DCUN1D5: variants seen among roughly 807,000 people sequenced by gnomAD.
DCUN1D5 encodes DCN1-like protein 5.
A neutral mutation model predicts 38.3 loss-of-function variants in DCUN1D5; 10 were observed. The observed-to-expected ratio is 0.26, with a 90% CI of 0.16 to 0.44. DCUN1D5 has a LOEUF of 0.44. DCUN1D5 is among the 20% of genes least tolerant of loss of function. The pLI is 1.00. For synonymous variants in DCUN1D5, 93 were observed against 90.9 expected, an observed-to-expected ratio of 1.02 and a Z score of -0.13; for missense variants, 148 against 275.3, an observed-to-expected ratio of 0.54 and a Z score of 3.27.
In DCUN1D5 at chr11:103,058,777, T is replaced by A. The variant is rs1288688370; in HGVS notation, c.*3582A>T. ...CCTGAAAAAAAAATGATCCTTTCTT[T>A]GAAATGTTTCCTTGTGATGATTTCT... On this transcript the variant is annotated 3_prime_UTR_variant, in exon 8 of 8. Transcript: ENST00000260247. Among the ~76,000 whole-genome samples, 1 of 152,170 alleles carries A rather than the reference T, an allele frequency of 6.6e-6. No homozygotes were observed. The highest frequency in any genetic ancestry group is 1.5e-5 in the Non-Finnish European group (1 of 68,008).
rs1862099452 is a variant in DCUN1D5 at position 103,064,964 on chromosome 11, T to C, written c.556-587A>G. Among the ~76,000 whole-genome samples the C allele has an allele frequency of 6.6e-6, 1 of 152,200 alleles. No homozygotes were observed. The highest frequency in any genetic ancestry group is 2.4e-5 in the African/African-American group (1 of 41,452). On this transcript the variant is annotated intron_variant, in intron 6 of 7. Coordinates refer to ENST00000260247, the MANE Select transcript of DCUN1D5 (RefSeq NM_032299.4). This position sits in a 1 kb window ranked among gnomAD's most constrained non-coding sequence, Gnocchi z 4.5. The stretch of plus-strand genomic sequence containing the variant: ...TGCCAAACAACCTGCACATAACAAG[T>C]GTCTGAAAATATTTAGTTCTTCTCA...
chr11:103,057,974 G>T lies in DCUN1D5; in HGVS notation c.*4385C>A, dbSNP rs1049043954. Among the ~76,000 whole-genome samples, 1 of 152,100 alleles carries T rather than the reference G, an allele frequency of 6.6e-6. No individual in the cohort carries two copies. The highest frequency in any genetic ancestry group is 1.5e-5 in the Non-Finnish European group (1 of 68,012). ...AAACTTCTAAAAAATGATATAATTT[G>T]GGGGAAAGCTAAGACATTTTTAATA... On this transcript the variant is annotated 3_prime_UTR_variant, in exon 8 of 8. Coordinates refer to ENST00000260247, the MANE Select transcript of DCUN1D5 (RefSeq NM_032299.4). The surrounding 1 kb of genome is among the most constrained non-coding windows in gnomAD (Gnocchi z 4.8).
chr11:103,052,014 A>C lies in DCUN1D5; in HGVS notation c.*10345T>G, dbSNP rs1861752433. ...CCTATAGCTTATTGTCATATTATTCAACTGGCACTAACTCAGAAAATGCTT... is the reference window on the plus strand; with the variant it reads ...CCTATAGCTTATTGTCATATTATTCCACTGGCACTAACTCAGAAAATGCTT... On this transcript the variant is annotated 3_prime_UTR_variant, in exon 8 of 8. Coordinates refer to ENST00000260247, the MANE Select transcript of DCUN1D5 (RefSeq NM_032299.4). 6.6e-6 allele frequency: 1 copy of C among 152,198 alleles called. No individual in the cohort carries two copies. The highest frequency in any genetic ancestry group is 2.1e-4 in the South Asian group (1 of 4,828). 9.4% of individuals were successfully genotyped at this position (152,198 alleles called of 1,614,324 possible).
Position 103,056,643 on chromosome 11 carries a change from G to A in DCUN1D5, c.*5716C>T, listed in dbSNP as rs374855727. Among the ~76,000 whole-genome samples the A allele has an allele frequency of 2.6e-5, 4 of 152,024 alleles. No homozygotes were observed. The highest frequency in any genetic ancestry group is 1.9e-4 in the East Asian group (1 of 5,190). ...AGGTTCGAAATTACTGTCTTGCTTC[G>A]TGCCCTGCAATATATTCAGGCCTAG... On this transcript the variant is annotated 3_prime_UTR_variant, in exon 8 of 8. Transcript: ENST00000260247. The surrounding 1 kb of genome is among the most constrained non-coding windows in gnomAD (Gnocchi z 4.9).
chr11:103,091,793 A>G lies in DCUN1D5; in HGVS notation c.80T>C (p.Ile27Thr). 1 of 1,613,688 alleles carries G rather than the reference A, an allele frequency of 6.2e-7. No homozygotes were observed. Among genetic ancestry groups the G allele is most frequent in the Middle Eastern group, 1.6e-4 (1 of 6,062 alleles). The change falls in exon 1 of 8, where the codon ATC becomes ACC. Residue 27 changes from isoleucine (I) to threonine (T), a missense_variant. Ile to Thr is a moderately conservative substitution (Grantham distance 89). Transcript: ENST00000260247. This position sits in a 1 kb window ranked among gnomAD's most constrained non-coding sequence, Gnocchi z 4.3. Reference protein sequence around the residue: ...AEDGGLKKCKISSYCRSQPPA... With the variant: ...AEDGGLKKCKTSSYCRSQPPA... ...GGGTGGGGGGAGATGGTACCTGGAGATTTTACACTTTTTGAGGCCTCCGTC... is the reference window on the plus strand; with the variant it reads ...GGGTGGGGGGAGATGGTACCTGGAGGTTTTACACTTTTTGAGGCCTCCGTC...
In DCUN1D5 at chr11:103,061,886, A is replaced by T. The variant is rs935898168; in HGVS notation, c.*473T>A. 7.2e-5 allele frequency among the ~76,000 whole-genome samples: 11 copies of T among 152,078 alleles called. No individual in the cohort carries two copies. Among genetic ancestry groups the T allele is most frequent in the African/African-American group, 2.7e-4 (11 of 41,446 alleles). ...CAGCAAATCATTATCCCAGAAGTCA[A>T]GGCCAACAGTCTTCCAAATTGTGCA... On this transcript the variant is annotated 3_prime_UTR_variant, in exon 8 of 8. Coordinates refer to ENST00000260247, the MANE Select transcript of DCUN1D5 (RefSeq NM_032299.4).
chr11:103,064,647 T>C lies in DCUN1D5; in HGVS notation c.556-270A>G. 6.6e-6 allele frequency among the ~76,000 whole-genome samples: 1 copy of C among 152,312 alleles called. No individual in the cohort carries two copies. Among genetic ancestry groups the C allele is most frequent in the Middle Eastern group, 3.4e-3 (1 of 294 alleles). ...ACTAACTTTTTCATATGTATATACT[T>C]GTGTTACCACCAATGAGATCAAGAT... is the stretch of plus-strand genomic sequence containing the variant. On this transcript the variant is annotated intron_variant, in intron 6 of 7. Coordinates refer to ENST00000260247, the MANE Select transcript of DCUN1D5 (RefSeq NM_032299.4). This position sits in a 1 kb window ranked among gnomAD's most constrained non-coding sequence, Gnocchi z 4.5.
At chr11:103,084,944 G>A (rs993545853) in intron 2 of DCUN1D5, among the ~76,000 whole-genome samples, 3 of 152,122 alleles carry the variant, frequency 2.0e-5, no homozygotes, top group Non-Finnish European at 4.4e-5. Flanking sequence ...CCATGATCAC[G>A]CCATTGTACT....
chr11:103,061,535 T>G lies in DCUN1D5; in HGVS notation c.*824A>C, dbSNP rs1490528714. ...AGTTCTCTCATGATTCCTTATTCTA[T>G]TGTCTTCTTTTCCTATGTGTATCTT... On this transcript the variant is annotated 3_prime_UTR_variant, in exon 8 of 8. Coordinates refer to ENST00000260247, the MANE Select transcript of DCUN1D5 (RefSeq NM_032299.4). Among the ~76,000 whole-genome samples the G allele has an allele frequency of 1.3e-5, 2 of 151,872 alleles. No homozygotes were observed. The highest frequency in any genetic ancestry group is 2.9e-5 in the Non-Finnish European group (2 of 67,932).
In DCUN1D5 at chr11:103,087,465, C is replaced by T. The variant is rs995557763; in HGVS notation, c.178+1762G>A. On this transcript the variant is annotated intron_variant, in intron 2 of 7. Coordinates refer to ENST00000260247, the MANE Select transcript of DCUN1D5 (RefSeq NM_032299.4). This position sits in a 1 kb window ranked among gnomAD's most constrained non-coding sequence, Gnocchi z 4.1. ...GATTACAGACGTGAGCCACCACACCCGGCTGAAACCCCATTTCTACAAAAA... is the reference window on the plus strand; with the variant it reads ...GATTACAGACGTGAGCCACCACACCTGGCTGAAACCCCATTTCTACAAAAA... Among the ~76,000 whole-genome samples, 4 of 152,084 alleles carry T rather than the reference C, an allele frequency of 2.6e-5. No homozygotes were observed. Among genetic ancestry groups the T allele is most frequent in the Admixed American group, 6.6e-5 (1 of 15,262 alleles).
chr11:103,057,628 G>C lies in DCUN1D5; in HGVS notation c.*4731C>G, dbSNP rs561944756. On this transcript the variant is annotated 3_prime_UTR_variant, in exon 8 of 8. Coordinates refer to ENST00000260247, the MANE Select transcript of DCUN1D5 (RefSeq NM_032299.4). This position sits in a 1 kb window ranked among gnomAD's most constrained non-coding sequence, Gnocchi z 4.8. ...CCAGCTACTTGGGAGGTTGACGCACGAGAATCTCTTGAACCCAGGAGGTCG... is the reference window on the plus strand; with the variant it reads ...CCAGCTACTTGGGAGGTTGACGCACCAGAATCTCTTGAACCCAGGAGGTCG... 4.0e-5 allele frequency among the ~76,000 whole-genome samples: 6 copies of C among 151,846 alleles called. No individual in the cohort carries two copies. Among genetic ancestry groups the C allele is most frequent in the Non-Finnish European group, 8.8e-5 (6 of 67,998 alleles).
rs1033726296 is a variant in DCUN1D5, at chr11:103,055,332, T to G, written c.*7027A>C. 1.2e-4 allele frequency: 18 copies of G among 152,282 alleles called. No homozygotes were observed. In the South Asian group the frequency reaches 3.3e-3, roughly 28 times the overall value. 9.4% of individuals were successfully genotyped at this position (152,282 alleles called of 1,614,324 possible). A position where few individuals can be genotyped will look rare whatever the true frequency, so the allele number is the denominator to read the frequency against. On this transcript the variant is annotated 3_prime_UTR_variant, in exon 8 of 8. Coordinates refer to ENST00000260247, the MANE Select transcript of DCUN1D5 (RefSeq NM_032299.4). ...GGCTATATTAATTCATGTAGAACTC[T>G]TCACAATCTAGAAGCAAGCCTGCCC...
In DCUN1D5 at chr11:103,091,428, C is replaced by T. The variant is rs1862861558; in HGVS notation, c.86+359G>A. On this transcript the variant is annotated intron_variant, in intron 1 of 7. Transcript: ENST00000260247. The surrounding 1 kb of genome is among the most constrained non-coding windows in gnomAD (Gnocchi z 4.3). The stretch of plus-strand genomic sequence containing the variant: ...TGCGGATATGTACTCACTTCTAAGT[C>T]TAGAAAAAGGCAGAGGAGCGATACG... 1 of 272,298 alleles carries T rather than the reference C, an allele frequency of 3.7e-6. No individual in the cohort carries two copies. The highest frequency in any genetic ancestry group is 7.0e-6 in the Non-Finnish European group (1 of 143,686). The allele number at this position is 272,298 out of a possible 1,614,324, so 16.9% of individuals were successfully genotyped here.
chr11:103,067,922 T>C (rs760932376), intron 4 of DCUN1D5, among the ~76,000 whole-genome samples: 11 of 152,126 alleles, frequency 7.2e-5, no homozygotes, highest in Non-Finnish European at 1.6e-4. Context: ...CCCCCGTTTT[T>C]TGAAAAAGCT....
chr11:103,075,092 C>T (rs977928625), intron 4 of DCUN1D5, among the ~76,000 whole-genome samples: 5 of 152,174 alleles, frequency 3.3e-5, no homozygotes, highest in Non-Finnish European at 7.3e-5. Context: ...GGTAGAAGCC[C>T]TTTACCTCTA....
rs1481588413 is a variant in DCUN1D5 at position 103,053,170 on chromosome 11, A to G, written c.*9189T>C. The G allele has an allele frequency of 6.6e-6, 1 of 152,068 alleles. No homozygotes were observed. Among genetic ancestry groups the G allele is most frequent in the Non-Finnish European group, 1.5e-5 (1 of 67,956 alleles). 9.4% of individuals were successfully genotyped at this position (152,068 alleles called of 1,614,324 possible). A position where few individuals can be genotyped will look rare whatever the true frequency, so the allele number is the denominator to read the frequency against. ...CTTTTTTAAAAATAGAGTCCTTCCT[A>G]TGAAGTCAAACCAATCCACTTTTAA... On this transcript the variant is annotated 3_prime_UTR_variant, in exon 8 of 8. Coordinates refer to ENST00000260247, the MANE Select transcript of DCUN1D5 (RefSeq NM_032299.4). This position sits in a 1 kb window ranked among gnomAD's most constrained non-coding sequence, Gnocchi z 4.8.
chr11:103,076,230 GT>G (rs1286693505), intron 4 of DCUN1D5, among the ~76,000 whole-genome samples: 3 of 151,812 alleles, frequency 2.0e-5, no homozygotes, highest in African/African-American at 7.3e-5. Flanking sequence ...AAAAATATTT[GT>G]TAAATAAAAG....
intron 2 of DCUN1D5, 112 bp downstream of exon 2, chr11:103,089,115 A>G: frequency 9.5e-7 from 1 of 1,051,488 alleles, no homozygotes; most frequent in Non-Finnish European, 1.4e-6. Flanking sequence ...CCCTCATCCC[A>G]GTACACAGCA....
chr11:103,081,457 T>C (rs1030316438), intron 4 of DCUN1D5, among the ~76,000 whole-genome samples: 8 of 152,200 alleles, frequency 5.3e-5, no homozygotes, highest in Admixed American at 2.6e-4. Flanking sequence ...ACTGGGCATA[T>C]TATGACACCT....
Sources: gnomAD v4.1 joint callset for allele counts (sites outside exome capture counted in the v4.1 genomes callset) on GRCh38, gnomAD v4.1.1 for gene constraint, Gnocchi (gnomAD v3.1) non-coding constraint, MANE v1.5 for transcripts, NCBI Gene and HGNC (gene_info 2026-07-23, HGNC 2026-07-21) for gene names.